The following APOL3 variants were observed in gnomAD, a reference collection of about 807,000 sequenced individuals.
The protein encoded by APOL3 is TNF-inducible protein CG12-1.
APOL3 carries 14 observed loss-of-function variants against 11.6 expected under a neutral mutation model. That is an observed-to-expected ratio of 1.21 (90% confidence interval 0.80 to 1.89). The LOEUF is 1.89. APOL3 is among the 40% of genes most tolerant of loss of function. The pLI is 0.00. For synonymous variants in APOL3, 192 were observed against 190.6 expected, an observed-to-expected ratio of 1.01 and a Z score of -0.06; for missense variants, 483 against 492.1, an observed-to-expected ratio of 0.98 and a Z score of 0.17.
chr22:36,146,736 C>A (rs1166333323), intron 1 of APOL3, among the ~76,000 whole-genome samples: 1 of 152,014 alleles, frequency 6.6e-6, no homozygotes, highest in African/African-American at 2.4e-5. Context: ...ATCAAAGGTA[C>A]AAATGTTTCA....
chr22:36,156,445 C>T (rs1210806918), intron 1 of APOL3, among the ~76,000 whole-genome samples: 1 of 152,186 alleles, frequency 6.6e-6, no homozygotes, highest in Admixed American at 6.5e-5. Flanking sequence ...AGTTCAACCC[C>T]TTAACTGGGC....
At chr22:36,141,448 G>C in exon 3 of APOL3, 2 of 1,614,148 alleles carry the variant, frequency 1.2e-6, no homozygotes, top group Non-Finnish European at 1.7e-6. Flanking sequence ...CTCTCTGCTT[G>C]ACCACCACTT....
In APOL3 at chr22:36,142,038, T is replaced by TAG; in HGVS notation, c.369_370dup (p.Tyr124SerfsTer5). ...TGTTCTAAGCTTCTTCAGAGCTTCG[T>TAG]AGAGAGCATCTGCCTCATCCCTGTA... On this transcript the variant is annotated frameshift_variant, in exon 3 of 3. Transcript: ENST00000349314. LOFTEE classifies it low-confidence loss of function (END_TRUNC). The TAG allele has an allele frequency of 6.2e-7, 1 of 1,612,976 alleles. No homozygotes were observed. Among genetic ancestry groups the TAG allele is most frequent in the Non-Finnish European group, 8.5e-7 (1 of 1,179,342 alleles).
exon 3 of APOL3, chr22:36,141,439 T>C: frequency 6.2e-7 from 1 of 1,614,166 alleles, no homozygotes; most frequent in East Asian, 2.2e-5. Flanking sequence ...GCAATCGTTC[T>C]CTCTGCTTGA....
chr22:36,144,943 G>A (rs907511319), intron 2 of APOL3, among the ~76,000 whole-genome samples: 1 of 150,152 alleles, frequency 6.7e-6, no homozygotes, highest in East Asian at 2.0e-4. Flanking sequence ...ACCGGGAGGC[G>A]GAGGTTGCGG....
chr22:36,149,868 C>T (rs1228485495), intron 1 of APOL3: 1 of 456,154 alleles, frequency 2.2e-6, no homozygotes. Context: ...GCTGGACACC[C>T]TTTGTCCCCC....
At chr22:36,141,984 T>C in exon 3 of APOL3, 1 of 1,614,262 alleles carries the variant, frequency 6.2e-7, no homozygotes, top group East Asian at 2.2e-5. Context: ...ATCTTTCTGC[T>C]GCACATATTC....
At chr22:36,158,292 G>A (rs145883025) in intron 1 of APOL3, among the ~76,000 whole-genome samples, 15 of 152,270 alleles carry the variant, frequency 9.9e-5, no homozygotes, top group Non-Finnish European at 1.5e-4. Context: ...GAGTGTGAAA[G>A]GTTCTGGTGT....
intron 2 of APOL3, 135 bp downstream of exon 3, chr22:36,145,338 C>G (rs969224695): frequency 8.7e-7 from 1 of 1,154,766 alleles, no homozygotes; most frequent in African/African-American, 1.6e-5. Context: ...TCCTCCTGGA[C>G]TGCTGAGAGG....
chr22:36,156,394 C>G (rs1432776883), intron 1 of APOL3, among the ~76,000 whole-genome samples: 1 of 152,172 alleles, frequency 6.6e-6, no homozygotes, highest in African/African-American at 2.4e-5. Context: ...AGCCACAATA[C>G]CTAGGTCTCC....
chr22:36,162,666 T>C (rs1355569748), upstream of APOL3, among the ~76,000 whole-genome samples: 1 of 152,158 alleles, frequency 6.6e-6, no homozygotes, highest in Non-Finnish European at 1.5e-5. Flanking sequence ...TTCAATACAC[T>C]TTGCTTTGAG....
chr22:36,145,613 A>G lies in APOL3; in HGVS notation c.224-14T>C. ...AGCGTTTCTTTTCTACTTGGAAACAAAAAGCATAAGATTGGAAGAAAGTGT... is the reference window on the plus strand; with the variant it reads ...AGCGTTTCTTTTCTACTTGGAAACAGAAAGCATAAGATTGGAAGAAAGTGT... On this transcript the variant is annotated splice_polypyrimidine_tract_variant and intron_variant, in intron 1 of 2. Coordinates refer to ENST00000349314, the Ensembl canonical transcript of APOL3. The G allele has an allele frequency of 6.2e-7, 1 of 1,613,090 alleles. No homozygotes were observed. The highest frequency in any genetic ancestry group is 8.5e-7 in the Non-Finnish European group (1 of 1,179,690).
upstream of APOL3, among the ~76,000 whole-genome samples, chr22:36,162,501 C>G (rs1204260780): frequency 6.6e-6 from 1 of 152,074 alleles, no homozygotes; most frequent in African/African-American, 2.4e-5. Context: ...TAACCATAAA[C>G]TGCCAATCAG....
At chr22:36,156,061 AG>A in intron 1 of APOL3, 1 of 220,942 alleles carries the variant, frequency 4.5e-6, no homozygotes, top group Non-Finnish European at 9.5e-6. Context: ...AGAGGGAGAG[AG>A]GGGTGAAGAC....
chr22:36,161,909 G>A (rs1043544770), upstream of APOL3, among the ~76,000 whole-genome samples: 1 of 152,104 alleles, frequency 6.6e-6, no homozygotes, highest in Non-Finnish European at 1.5e-5. Flanking sequence ...TTCACAGCAG[G>A]CTTGCAAGAC....
chr22:36,153,304 G>C (rs1318209669), intron 1 of APOL3: 2 of 442,970 alleles, frequency 4.5e-6, no homozygotes, highest in Non-Finnish European at 9.1e-6. Context: ...GGTTTGGATT[G>C]TGGTGCCACC....
At chr22:36,152,009 C>T (rs773828006) in intron 1 of APOL3, among the ~76,000 whole-genome samples, 1 of 151,972 alleles carries the variant, frequency 6.6e-6, no homozygotes, top group Non-Finnish European at 1.5e-5. Context: ...TGTGTGCACG[C>T]ACACTCATGG....
rs764561915 is a variant in APOL3, at chr22:36,160,766, G to T, written c.126C>A (p.Asn42Lys). 1 of 1,613,986 alleles carries T rather than the reference G, an allele frequency of 6.2e-7. No individual in the cohort carries two copies. Among genetic ancestry groups the T allele is most frequent in the African/African-American group, 1.3e-5 (1 of 74,890 alleles). Residue 42 changes from asparagine (N) to lysine (K), a missense_variant, in exon 1 of 3, where the codon AAC becomes AAA. Transcript: ENST00000349314. ...GTGCATCTGCATAATAACCAGACACGTTCTCCAGGCTCTGAGATATACCCT... is the reference window on the plus strand; with the variant it reads ...GTGCATCTGCATAATAACCAGACACTTTCTCCAGGCTCTGAGATATACCCT...
At chr22:36,142,357 T>G (rs562303012) in intron 2 of APOL3, among the ~76,000 whole-genome samples, 1 of 152,166 alleles carries the variant, frequency 6.6e-6, no homozygotes, top group Non-Finnish European at 1.5e-5. Context: ...GAGGTCAACA[T>G]CATCCCTCCA....
Sources: gnomAD v4.1 joint callset for allele counts (sites outside exome capture counted in the v4.1 genomes callset) on GRCh38, gnomAD v4.1.1 for gene constraint, MANE v1.5 for transcripts, NCBI Gene and HGNC (gene_info 2026-07-23, HGNC 2026-07-21) for gene names.